PDE1C: variants seen among roughly 807,000 people sequenced by gnomAD.
PDE1C encodes phosphodiesterase 1C, also known as dual specificity calcium/calmodulin-dependent 3',5'-cyclic nucleotide phosphodiesterase 1C.
In PDE1C, 62 loss-of-function variants were observed where a neutral mutation model predicts 93.1. The observed-to-expected ratio is 0.67, with a 90% confidence interval of 0.54 to 0.82. The LOEUF (loss-of-function observed/expected upper bound fraction) is 0.82. Among genes scored for constraint, PDE1C ranks in the 40% least tolerant of loss-of-function variants. The pLI, the probability that PDE1C is intolerant of heterozygous loss-of-function variation, is 0.00. For missense variants in PDE1C, 742 were observed against 884.6 expected (o/e 0.84, Z 2.04); for synonymous variants, 325 against 310.1 (o/e 1.05, Z -0.50).
At chr7:32,101,643 C>T (rs1395549507) in intron 3 of PDE1C, among the ~76,000 whole-genome samples, 1 of 152,192 alleles carries the variant, frequency 6.6e-6, no homozygotes, top group East Asian at 1.9e-4. Context: ...TTGGAAGCTT[C>T]CTAAAGCATC....
At chr7:32,366,698 T>G (rs1562692630) in intron 1 of PDE1C, among the ~76,000 whole-genome samples, 1 of 152,012 alleles carries the variant, frequency 6.6e-6, no homozygotes, top group African/African-American at 2.4e-5. Flanking sequence ...ATAAGGGAAT[T>G]CCCATTAGTC....
intron 2 of PDE1C, among the ~76,000 whole-genome samples, chr7:31,962,493 C>T (rs139532976): frequency 6.6e-6 from 1 of 152,286 alleles, no homozygotes; most frequent in East Asian, 1.9e-4. Context: ...GCTATCCCTA[C>T]AGGCCTAGAA....
intron 1 of PDE1C, among the ~76,000 whole-genome samples, chr7:32,422,484 C>A (rs28459689): frequency 0.02 from 2,793 of 141,130 alleles, 87 homozygotes; most frequent in African/African-American, 0.065. Context: ...CTTTCCCCCC[C>A]ACCTGGCCTC....
chr7:32,253,092 G>A (rs1809508525), intron 1 of PDE1C, among the ~76,000 whole-genome samples: 1 of 152,184 alleles, frequency 6.6e-6, no homozygotes, highest in South Asian at 2.1e-4. Flanking sequence ...GGTGGGAGGG[G>A]CAATTGGGGC....
intron 2 of PDE1C, among the ~76,000 whole-genome samples, chr7:32,033,821 A>G (rs1297971077): frequency 6.6e-6 from 1 of 152,194 alleles, no homozygotes; most frequent in East Asian, 1.9e-4. Flanking sequence ...TAACGTACTT[A>G]TATGCATTAA....
At chr7:32,368,400 C>T (rs2128086998) in intron 1 of PDE1C, among the ~76,000 whole-genome samples, 1 of 152,038 alleles carries the variant, frequency 6.6e-6, no homozygotes, top group South Asian at 2.1e-4. Context: ...CGATTCCATT[C>T]ACAATAGCTA....
the PDE1C span, among the ~76,000 whole-genome samples, chr7:31,631,796 G>C: frequency 3.0e-4 from 45 of 152,332 alleles, no homozygotes; most frequent in Non-Finnish European, 5.9e-4. Context: ...ATAGGATAGA[G>C]ACTCTTCTGC....
intron 3 of PDE1C, among the ~76,000 whole-genome samples, chr7:32,081,018 C>T (rs1796634939): frequency 6.6e-6 from 1 of 152,094 alleles, no homozygotes; most frequent in South Asian, 2.1e-4. Context: ...AACTTAGGGA[C>T]ACAATTTAAA....
the PDE1C span, among the ~76,000 whole-genome samples, chr7:31,724,622 T>C: frequency 1.3e-5 from 2 of 152,164 alleles, no homozygotes; most frequent in Non-Finnish European, 2.9e-5. Context: ...TTCATAGAAA[T>C]TATAACTAGA....
chr7:32,022,490 T>C (rs1237966163), intron 2 of PDE1C, among the ~76,000 whole-genome samples: 1 of 152,108 alleles, frequency 6.6e-6, no homozygotes. Flanking sequence ...CAAGGAGAAG[T>C]CATGAATGTG....
intron 3 of PDE1C, among the ~76,000 whole-genome samples, chr7:31,879,530 G>A (rs141529446): frequency 1.5e-3 from 236 of 152,276 alleles, no homozygotes; most frequent in Middle Eastern, 3.4e-3. Context: ...GATGGACCAT[G>A]TGACGTTATT....
chr7:31,707,349 A>G, the PDE1C span: 1 of 1,361,102 alleles, frequency 7.3e-7, no homozygotes, highest in South Asian at 1.3e-5. Flanking sequence ...CTAGAGAAAA[A>G]ATAGACTTGT....
At chr7:31,684,891 T>A in the PDE1C span, among the ~76,000 whole-genome samples, 11 of 152,232 alleles carry the variant, frequency 7.2e-5, no homozygotes, top group Non-Finnish European at 1.5e-5. Context: ...TAATTACTCT[T>A]CTGGGCATTA....
intron 16 of PDE1C, among the ~76,000 whole-genome samples, chr7:31,795,971 TTTTAGAG>T (rs1274832662): frequency 6.6e-6 from 1 of 151,444 alleles, no homozygotes; most frequent in African/African-American, 2.4e-5. Context: ...CGAAAAAACC[TTTTAGAG>T]TTTAATTAGT....
intron 3 of PDE1C, among the ~76,000 whole-genome samples, chr7:32,133,014 A>G (rs1231470863): frequency 6.6e-6 from 1 of 152,208 alleles, no homozygotes; most frequent in Non-Finnish European, 1.5e-5. Context: ...GAAAAAAATT[A>G]TAAGTTCTGG....
downstream of PDE1C, among the ~76,000 whole-genome samples, chr7:31,747,789 G>C (rs1488318585): frequency 6.6e-6 from 1 of 150,422 alleles, no homozygotes; most frequent in Non-Finnish European, 1.5e-5. Flanking sequence ...GTCTGCCCCT[G>C]GGTGTGGTCA....
intron 2 of PDE1C, among the ~76,000 whole-genome samples, chr7:31,906,395 C>A (rs2128929120): frequency 6.6e-6 from 1 of 152,288 alleles, no homozygotes; most frequent in South Asian, 2.1e-4. Context: ...ACAGTAGAAG[C>A]TTACACTTAG....
At chr7:32,027,607 T>A (rs1584507211) in intron 2 of PDE1C, among the ~76,000 whole-genome samples, 6 of 78,540 alleles carry the variant, frequency 7.6e-5, no homozygotes, top group African/African-American at 1.2e-4. Flanking sequence ...TCAAAAATGG[T>A]AAAAAAAAAA....
intron 2 of PDE1C, among the ~76,000 whole-genome samples, chr7:31,955,136 A>G (rs1191512024): frequency 1.3e-5 from 2 of 152,220 alleles, no homozygotes; most frequent in Admixed American, 1.3e-4. Context: ...TATTTTGCAT[A>G]GAAGATAAGC....
Sources: gnomAD v4.1 joint callset for allele counts (sites outside exome capture counted in the v4.1 genomes callset) on GRCh38, gnomAD v4.1.1 for gene constraint, MANE v1.5 for transcripts, NCBI Gene and HGNC (gene_info 2026-07-23, HGNC 2026-07-21) for gene names.